Variants in EML6 observed in about 807,000 individuals in gnomAD.
EML6 encodes EMAP like 6, also known as echinoderm microtubule-associated protein-like 6.
In EML6, 154 loss-of-function variants were observed where a neutral mutation model predicts 240.1. The ratio of observed to expected loss-of-function variants is 0.64; its 90% CI spans 0.56 to 0.73. EML6 has a LOEUF of 0.73. Among genes scored for constraint, EML6 ranks in the 30% least tolerant of loss-of-function variants. The pLI is 0.00. For missense variants in EML6, 2,964 were observed against 2,474.6 expected, an observed-to-expected ratio of 1.20 and a Z score of -4.20; for synonymous variants, 1,148 against 899.0, an observed-to-expected ratio of 1.28 and a Z score of -4.95.
chr2:54,858,242 A>G (rs1198190750), intron 11 of EML6, among the ~76,000 whole-genome samples: 1 of 152,220 alleles, frequency 6.6e-6, no homozygotes, highest in Non-Finnish European at 1.5e-5. Context: ...TGGCATATAG[A>G]GATCCAAGAA....
intron 29 of EML6, among the ~76,000 whole-genome samples, chr2:54,949,290 G>T (rs765357832): frequency 2.0e-5 from 3 of 152,200 alleles, no homozygotes; most frequent in African/African-American, 7.2e-5. Context: ...GGAGAAGAAA[G>T]GAAAGAGACA....
chr2:54,765,392 T>G (rs1304994272), intron 2 of EML6, among the ~76,000 whole-genome samples: 3 of 152,224 alleles, frequency 2.0e-5, no homozygotes, highest in Non-Finnish European at 2.9e-5. Context: ...TCTTTTGAAC[T>G]GTTCTCTGGT....
chr2:54,962,080 CTTGTTTTTTTTTTTTTT>C (rs1430621330), intron 35 of EML6, among the ~76,000 whole-genome samples: 2 of 132,790 alleles, frequency 1.5e-5, no homozygotes, highest in Admixed American at 1.6e-4. Context: ...TCTCAAGTTA[CTTGTTTTTTTTTTTTTT>C]TTAAAGACAG....
At chr2:54,827,813 C>A in intron 6 of EML6, 62 bp downstream of exon 6, 1 of 1,169,770 alleles carries the variant, frequency 8.5e-7, no homozygotes, top group South Asian at 1.4e-5. Context: ...CCACGAATCC[C>A]TCCCTGTATG....
chr2:54,823,878 T>TCTCTCTCTCTCTGTCTCTCTC (rs60937620), intron 5 of EML6, among the ~76,000 whole-genome samples: 32 of 129,120 alleles, frequency 2.5e-4, no homozygotes, highest in Non-Finnish European at 4.2e-4. Flanking sequence ...CTCTCTCTCT[T>TCTCTCTCTCTCTGTCTCTCTC]TCTGTCTCTC....
chr2:54,963,967 T>G lies in EML6; in HGVS notation c.5158-19T>G. On this transcript the variant is annotated intron_variant, in intron 36 of 41. Transcript: ENST00000356458. ...GAGGGGGCCAAGAGCTCAGGTGACT[T>G]TCCTTTGCATCAATGTAGAAGCTGT... The G allele has an allele frequency of 6.5e-7, 1 of 1,541,372 alleles. No homozygotes were observed. The highest frequency in any genetic ancestry group is 8.8e-7 in the Non-Finnish European group (1 of 1,141,896).
Position 54,968,110 on chromosome 2 carries a change from C to G in EML6, c.5598-18C>G. 6.5e-7 allele frequency: 1 copy of G among 1,549,826 alleles called. No individual in the cohort carries two copies. The highest frequency in any genetic ancestry group is 2.5e-5 in the East Asian group (1 of 40,484). On this transcript the variant is annotated intron_variant, in intron 39 of 41. Transcript: ENST00000356458. Reference sequence around the variant, plus strand: ...CCGTGACTTCCTTCTATCCTAACCCCTCTTTCTGTTGGAACAGCGTCCTGG... The same window carrying G: ...CCGTGACTTCCTTCTATCCTAACCCGTCTTTCTGTTGGAACAGCGTCCTGG...
chr2:54,755,021 A>G (rs72915552), intron 2 of EML6, among the ~76,000 whole-genome samples: 7,543 of 152,258 alleles, frequency 0.05, 589 homozygotes, highest in African/African-American at 0.16. Flanking sequence ...AACTTTATTG[A>G]TTTACCTTTA....
At chr2:54,856,365 C>G (rs748288850) in intron 11 of EML6, among the ~76,000 whole-genome samples, 2 of 152,214 alleles carry the variant, frequency 1.3e-5, no homozygotes, top group Non-Finnish European at 2.9e-5. Context: ...GACTCAGAGG[C>G]TCTCCATGTT....
At chr2:54,968,829 T>G in intron 41 of EML6, 61 bp downstream of exon 41, 1 of 908,826 alleles carries the variant, frequency 1.1e-6, no homozygotes, top group Non-Finnish European at 1.8e-6. Flanking sequence ...CCTCCCCATC[T>G]CAGGCATCCC....
intron 5 of EML6, among the ~76,000 whole-genome samples, chr2:54,821,215 A>G (rs1668320406): frequency 6.6e-6 from 1 of 152,078 alleles, no homozygotes; most frequent in Admixed American, 6.5e-5. Context: ...ATGAATGAAG[A>G]TTTTCCTCTA....
chr2:54,879,079 C>A (rs951047697), intron 16 of EML6, among the ~76,000 whole-genome samples: 5 of 152,198 alleles, frequency 3.3e-5, no homozygotes, highest in African/African-American at 1.2e-4. Context: ...GGAGAATTAA[C>A]TGAACCCAGT....
chr2:54,894,401 A>G (rs1460048586), intron 19 of EML6, among the ~76,000 whole-genome samples: 1 of 152,226 alleles, frequency 6.6e-6, no homozygotes, highest in Admixed American at 6.5e-5. Flanking sequence ...AATTGTGTCT[A>G]TTGAATGAAA....
At chr2:54,952,567 C>G in intron 30 of EML6, 27 bp from the exon 31 acceptor site, 1 of 1,484,064 alleles carries the variant, frequency 6.7e-7, no homozygotes, top group African/African-American at 1.4e-5. Flanking sequence ...TTCCACTGTT[C>G]ACCCTCCCAT....
At position 54,886,227 on chromosome 2, in the gene EML6, G is replaced by A. The variant is rs113847077; in HGVS notation, c.2439-4827G>A. Among the ~76,000 whole-genome samples, 14 of 141,370 alleles carry A rather than the reference G, an allele frequency of 9.9e-5. No individual in the cohort carries two copies. The East Asian group carries it at 2.1e-3, about 21-fold the overall frequency. 92.7% of individuals were successfully genotyped at this position (141,370 alleles called of 152,430 possible). A position where few individuals can be genotyped will look rare whatever the true frequency, so the allele number is the denominator to read the frequency against. On this transcript the variant is annotated intron_variant, in intron 17 of 41. Coordinates refer to ENST00000356458, the MANE Select transcript of EML6 (RefSeq NM_001039753.4). ...GTCACCCAGGCTGGAGTGCAGTGGC[G>A]TGATCTTGGCCCACTGCAACCTCTG...
intron 10 of EML6, among the ~76,000 whole-genome samples, chr2:54,853,288 G>A (rs919012660): frequency 6.6e-6 from 1 of 152,114 alleles, no homozygotes; most frequent in Non-Finnish European, 1.5e-5. Context: ...GTAATTGTTA[G>A]TAGCTTGAGA....
intron 21 of EML6, among the ~76,000 whole-genome samples, chr2:54,899,151 T>C (rs1672926622): frequency 1.3e-5 from 2 of 152,168 alleles, no homozygotes; most frequent in African/African-American, 4.8e-5. Context: ...AGGACTAAAA[T>C]TGCATAAATA....
intron 2 of EML6, among the ~76,000 whole-genome samples, chr2:54,745,513 A>G (rs1390924013): frequency 1.3e-5 from 2 of 152,176 alleles, no homozygotes; most frequent in Non-Finnish European, 2.9e-5. Flanking sequence ...CTGGTGGTCA[A>G]TATCTGTAAT....
At chr2:54,909,933 C>G (rs1427742069) in intron 24 of EML6, among the ~76,000 whole-genome samples, 1 of 149,828 alleles carries the variant, frequency 6.7e-6, no homozygotes, top group Admixed American at 6.7e-5. Context: ...AGAACACGAT[C>G]TAAACCAAAA....
Sources: gnomAD v4.1 joint callset for allele counts (sites outside exome capture counted in the v4.1 genomes callset) on GRCh38, gnomAD v4.1.1 for gene constraint, MANE v1.5 for transcripts, NCBI Gene and HGNC (gene_info 2026-07-23, HGNC 2026-07-21) for gene names.